Variants in DPP10 observed in about 807,000 individuals in gnomAD.
DPP10 encodes dipeptidyl peptidase like 10.
DPP10 carries 33 observed loss-of-function variants against 120.9 expected under a neutral mutation model. The observed-to-expected ratio is 0.27, with a 90% CI of 0.21 to 0.37. DPP10 has a LOEUF of 0.37. Ranked by LOEUF, DPP10 falls within the 10% of genes least tolerant of loss-of-function variation. The pLI is 1.00. For missense variants in DPP10, 816 were observed against 942.8 expected, an observed-to-expected ratio of 0.87 and a Z score of 1.76; for synonymous variants, 337 against 326.1, an observed-to-expected ratio of 1.03 and a Z score of -0.36.
intron 3 of DPP10, among the ~76,000 whole-genome samples, chr2:115,462,375 C>G (rs1574918587): frequency 6.6e-6 from 1 of 152,168 alleles, no homozygotes; most frequent in East Asian, 1.9e-4. Flanking sequence ...ATTAATACTT[C>G]TGCAGCAGCA....
chr2:115,832,453 T>C (rs1227241325), intron 21 of DPP10, among the ~76,000 whole-genome samples: 1 of 152,214 alleles, frequency 6.6e-6, no homozygotes, highest in African/African-American at 2.4e-5. Context: ...TTGTGCCATG[T>C]ACTTCAGCCT....
chr2:114,550,620 G>T (rs769097000), intron 1 of DPP10, among the ~76,000 whole-genome samples: 5 of 152,178 alleles, frequency 3.3e-5, no homozygotes, highest in Non-Finnish European at 7.4e-5. Context: ...AGCAACCTTT[G>T]CTCCTTTCTT....
chr2:115,639,656 A>G (rs944216478), intron 5 of DPP10, among the ~76,000 whole-genome samples: 1 of 152,174 alleles, frequency 6.6e-6, no homozygotes, highest in Non-Finnish European at 1.5e-5. Context: ...ATCCAAATAT[A>G]AAGAGCAGGA....
intron 5 of DPP10, among the ~76,000 whole-genome samples, chr2:115,535,060 G>C (rs1232176254): frequency 2.7e-5 from 4 of 150,116 alleles, no homozygotes; most frequent in Non-Finnish European, 6.0e-5. Flanking sequence ...CATTTTGTAG[G>C]TTGCCTGTTC....
intron 3 of DPP10, among the ~76,000 whole-genome samples, chr2:115,430,259 G>A (rs2070848798): frequency 6.6e-6 from 1 of 152,098 alleles, no homozygotes; most frequent in South Asian, 2.1e-4. Context: ...CTCAAATATT[G>A]GAAATGTTCC....
rs142837926 is a variant in DPP10 at position 115,394,631 on chromosome 2, A to G, written c.271+50719A>G. On this transcript the variant is annotated intron_variant, in intron 3 of 25. Coordinates refer to ENST00000410059, the MANE Select transcript of DPP10 (RefSeq NM_020868.6). ...AGGTATAGAATTAAAGCAACTATCA[A>G]AATAGCCCATATCAGATGCAATCTT... Among the ~76,000 whole-genome samples the G allele has an allele frequency of 5.3e-5, 8 of 152,284 alleles. No individual in the cohort carries two copies. The East Asian group carries it at 1.5e-3, about 29-fold the overall frequency.
chr2:114,642,879 A>G (rs1341706455), intron 1 of DPP10, among the ~76,000 whole-genome samples: 1 of 151,980 alleles, frequency 6.6e-6, no homozygotes, highest in Non-Finnish European at 1.5e-5. Flanking sequence ...CCAATAACCC[A>G]TGAAAATAAT....
intron 5 of DPP10, among the ~76,000 whole-genome samples, chr2:115,688,564 G>A (rs1381407976): frequency 6.6e-6 from 1 of 152,058 alleles, no homozygotes; most frequent in Non-Finnish European, 1.5e-5. Flanking sequence ...AATATAGCTA[G>A]CTAAAGAACA....
chr2:114,945,763 C>T (rs373375666), intron 1 of DPP10, among the ~76,000 whole-genome samples: 16 of 152,058 alleles, frequency 1.1e-4, no homozygotes, highest in African/African-American at 3.9e-4. Flanking sequence ...TTACAGTGAG[C>T]CGAGATCCCA....
chr2:115,575,499 T>C (rs570082401), intron 5 of DPP10, among the ~76,000 whole-genome samples: 1 of 152,300 alleles, frequency 6.6e-6, no homozygotes, highest in Non-Finnish European at 1.5e-5. Flanking sequence ...TAGTTTTTCC[T>C]TGTACGTACA....
chr2:114,913,847 A>T (rs1338336205), intron 1 of DPP10, among the ~76,000 whole-genome samples: 1 of 152,158 alleles, frequency 6.6e-6, no homozygotes. Flanking sequence ...GCAACACAAG[A>T]GCTGAACGAT....
At chr2:114,901,187 T>G (rs565954684) in intron 1 of DPP10, among the ~76,000 whole-genome samples, 39 of 152,148 alleles carry the variant, frequency 2.6e-4, no homozygotes, top group African/African-American at 7.0e-4. Flanking sequence ...CGTTTTGTTT[T>G]TTTGTTTGTT....
chr2:115,017,770 C>T (rs528660056), intron 1 of DPP10, among the ~76,000 whole-genome samples: 4 of 151,736 alleles, frequency 2.6e-5, no homozygotes, highest in South Asian at 2.1e-4. Flanking sequence ...AGCCAAACAT[C>T]GCATGTTCTC....
chr2:115,638,377 T>G (rs1315253599), intron 5 of DPP10, among the ~76,000 whole-genome samples: 1 of 152,042 alleles, frequency 6.6e-6, no homozygotes, highest in East Asian at 1.9e-4. Flanking sequence ...TAACACAATT[T>G]GCAATGGTAA....
At chr2:115,581,888 C>T (rs943271235) in intron 5 of DPP10, among the ~76,000 whole-genome samples, 3 of 152,072 alleles carry the variant, frequency 2.0e-5, no homozygotes, top group Non-Finnish European at 4.4e-5. Flanking sequence ...CATCTAGAGG[C>T]GTTACCAGTG....
At chr2:114,794,597 T>G (rs1185895969) in intron 1 of DPP10, among the ~76,000 whole-genome samples, 1 of 152,194 alleles carries the variant, frequency 6.6e-6, no homozygotes, top group Non-Finnish European at 1.5e-5. Flanking sequence ...GTACCCAAAT[T>G]AACAGGCAAA....
chr2:115,011,923 C>T (rs944360634), intron 1 of DPP10, among the ~76,000 whole-genome samples: 12 of 151,932 alleles, frequency 7.9e-5, no homozygotes, highest in African/African-American at 2.9e-4. Flanking sequence ...TGGAAATAGA[C>T]TCGGTGCTGC....
chr2:115,771,914 A>C (rs1681518692), intron 13 of DPP10, among the ~76,000 whole-genome samples: 1 of 152,176 alleles, frequency 6.6e-6, no homozygotes, highest in Non-Finnish European at 1.5e-5. Flanking sequence ...AAAATCATTA[A>C]TTAGAGACCA....
intron 9 of DPP10, among the ~76,000 whole-genome samples, chr2:115,743,629 C>G (rs1361192990): frequency 1.3e-5 from 2 of 151,142 alleles, no homozygotes; most frequent in African/African-American, 4.8e-5. Context: ...ATTTTAGGCA[C>G]TTTACATAAA....
Sources: allele counts gnomAD v4.1 joint callset (sites outside exome capture counted in the v4.1 genomes callset), GRCh38; gene constraint gnomAD v4.1.1; transcripts MANE v1.5; gene names NCBI Gene and HGNC (gene_info 2026-07-23, HGNC 2026-07-21).